The following HRNR variants were observed in gnomAD, a reference collection of about 807,000 sequenced individuals.
HRNR encodes hornerin.
HRNR carries 7 observed loss-of-function variants against 4.8 expected under a neutral mutation model. The observed-to-expected ratio is 1.47, with a 90% CI of 0.83 to 2.75. The LOEUF (loss-of-function observed/expected upper bound fraction) is 2.75. Ranked by LOEUF, HRNR falls within the 30% of genes most tolerant of loss-of-function variation. The pLI is 0.00. For synonymous variants in HRNR, 1,023 were observed against 1,242.7 expected (o/e 0.82, Z 3.72); for missense variants, 2,879 against 3,010.4 (o/e 0.96, Z 1.02).
chr1:152,221,403 GA>G lies in HRNR; in HGVS notation c.225del (p.Leu76Ter), dbSNP rs1320026014. On this transcript the variant is annotated frameshift_variant, in exon 3 of 3. Coordinates refer to ENST00000368801, the MANE Select transcript of HRNR (RefSeq NM_001009931.3). LOFTEE classifies it low-confidence loss of function (END_TRUNC). ...GCCTGAACCAGCTTGAATATCATCA[GA>G]AGATACTCAGTAAAATCCACTTTCT... ...HNKKVDFTEY[L>X]LMIFKLVQAR... 5 of 1,613,616 alleles carry G rather than the reference GA, an allele frequency of 3.1e-6. No homozygotes were observed. The highest frequency in any genetic ancestry group is 4.2e-6 in the Non-Finnish European group (5 of 1,179,812).
At position 152,218,764 on chromosome 1, in the gene HRNR, G is replaced by T. The variant is rs41266130; in HGVS notation, c.2865C>A (p.Ser955=). The T allele has an allele frequency of 6.2e-7, 1 of 1,613,494 alleles. No homozygotes were observed. The highest frequency in any genetic ancestry group is 1.1e-5 in the South Asian group (1 of 91,016). Reference sequence around the variant, plus strand: ...ACCTAGAGCCGTGTTGTTCGTAGCTGGAGGAGTGACCTGAGCCAGATCCAT... The same window carrying T: ...ACCTAGAGCCGTGTTGTTCGTAGCTTGAGGAGTGACCTGAGCCAGATCCAT... ...TQHGSGSGHS[S]SYEQHGSRSG... is the part of the protein sequence containing the mutation. Residue 955 remains serine, a synonymous_variant, in exon 3 of 3, where the codon TCC becomes TCA. Coordinates refer to ENST00000368801, the MANE Select transcript of HRNR (RefSeq NM_001009931.3).
Position 152,213,021 on chromosome 1 carries a change from T to C in HRNR, c.*55A>G, listed in dbSNP as rs1648443212. On this transcript the variant is annotated 3_prime_UTR_variant, in exon 3 of 3. Transcript: ENST00000368801. ...TTGTCTTTCATGATGAATTCATAGA[T>C]GACTTTCCTATTTCTTAAATTGCTA... The C allele has an allele frequency of 1.3e-6, 2 of 1,561,800 alleles. No individual in the cohort carries two copies. The highest frequency in any genetic ancestry group is 8.7e-7 in the Non-Finnish European group (1 of 1,155,544).
chr1:152,219,213 G>A lies in HRNR; in HGVS notation c.2416C>T (p.His806Tyr), dbSNP rs1284854242. 2 of 1,613,866 alleles carry A rather than the reference G, an allele frequency of 1.2e-6. No individual in the cohort carries two copies. The highest frequency in any genetic ancestry group is 1.7e-6 in the Non-Finnish European group (2 of 1,179,922). ...SGTSCSSSCG[H>Y]YESGSGQASG... ...GCCTGGCCTGAGCCAGACTCATAAT[G>A]GCCACAGCTGGAAGAACAACTTGTG... The change falls in exon 3 of 3, where the codon CAT becomes TAT. Residue 806 changes from histidine (H) to tyrosine (Y), a missense_variant. This residue lies in a region of HRNR where 2,646 missense variants were observed against 1,377.7 expected (regional missense o/e 1.92). Coordinates refer to ENST00000368801, the MANE Select transcript of HRNR (RefSeq NM_001009931.3).
In HRNR at chr1:152,220,305, G is replaced by T. The variant is rs751053432; in HGVS notation, c.1324C>A (p.His442Asn). 1.6e-5 allele frequency: 26 copies of T among 1,613,958 alleles called. No individual in the cohort carries two copies. The highest frequency in any genetic ancestry group is 2.7e-5 in the African/African-American group (2 of 74,898). Residue 442 changes from histidine (H) to asparagine (N), a missense_variant, in exon 3 of 3, where the codon CAT becomes AAT. By Grantham distance (68) the His-to-Asn change is moderately conservative. Around this residue, in one of 8 missense-constraint regions of HRNR, gnomAD observed 2,646 missense variants for 1,377.7 expected, o/e 1.92. Transcript: ENST00000368801. ...GAAGATCGACCAAAGCCAGTCCCATGTTGGCCGGAGCTGGGAGACTGCCCT... is the reference window on the plus strand; with the variant it reads ...GAAGATCGACCAAAGCCAGTCCCATTTTGGCCGGAGCTGGGAGACTGCCCT... Reference protein sequence around the residue: ...GSGQSPSSGQHGTGFGRSSSS... With the variant: ...GSGQSPSSGQNGTGFGRSSSS...
intron 1 of HRNR, among the ~76,000 whole-genome samples, chr1:152,223,612 G>A (rs1649072591): frequency 6.6e-6 from 1 of 152,192 alleles, no homozygotes; most frequent in Non-Finnish European, 1.5e-5. Flanking sequence ...CACTTCATCT[G>A]CTTCCTCTTT....
chr1:152,218,386 A>G lies in HRNR; in HGVS notation c.3243T>C (p.Ser1081=), dbSNP rs371009689. ...CACAGCTCGATGACTGTCCTGATGT[A>G]GAACCGTGTTGCCCATGGGTAGAGG... ...GHSSTHGQHG[S]TSGQSSSCGQ... Residue 1081 remains serine (S), a synonymous_variant, in exon 3 of 3, where the codon TCT becomes TCC. Coordinates refer to ENST00000368801, the MANE Select transcript of HRNR (RefSeq NM_001009931.3). 4.3e-6 allele frequency: 7 copies of G among 1,612,734 alleles called. No individual in the cohort carries two copies. In the Admixed American group the frequency reaches 5.0e-5, roughly 12 times the overall value.
Position 152,218,654 on chromosome 1 carries a change from T to A in HRNR, c.2975A>T (p.Gln992Leu). The part of the protein sequence containing the change: ...SYGQHGSGSR[Q>L]SLGHGQHGSG... ...CCCATGTTGGCCGTGGCCCAAAGAC[T>A]GACGGGAGCCAGACCCATGCTGACC... Residue 992 changes from glutamine to leucine, a missense_variant, in exon 3 of 3, where the codon CAG becomes CTG. Coordinates refer to ENST00000368801, the MANE Select transcript of HRNR (RefSeq NM_001009931.3). 6.2e-7 allele frequency: 1 copy of A among 1,612,960 alleles called. No individual in the cohort carries two copies. Among genetic ancestry groups the A allele is most frequent in the Non-Finnish European group, 8.5e-7 (1 of 1,179,770 alleles).
At position 152,212,524 on chromosome 1, in the gene HRNR, A is replaced by G. The variant is rs1316637786; in HGVS notation, c.*552T>C. 1 of 156,092 alleles carries G rather than the reference A, an allele frequency of 6.4e-6. No individual in the cohort carries two copies. Among genetic ancestry groups the G allele is most frequent in the African/African-American group, 2.4e-5 (1 of 41,456 alleles). The allele number at this position is 156,092 out of a possible 1,614,324, so 9.7% of individuals were successfully genotyped here. On this transcript the variant is annotated 3_prime_UTR_variant, in exon 3 of 3. Transcript: ENST00000368801. ...ATATATACCCAAGAAAAAGGACTTG[A>G]TGGTTTTGATAAGTAAAGACACTAC...
rs376727927 is a variant in HRNR at position 152,218,683 on chromosome 1, G to A, written c.2946C>T (p.Ser982=). The A allele has an allele frequency of 2.0e-5, 32 of 1,613,978 alleles. No individual in the cohort carries two copies. The highest frequency in any genetic ancestry group is 2.7e-5 in the African/African-American group (2 of 74,958). The change falls in exon 3 of 3, where the codon AGC becomes AGT. Residue 982 remains serine (S), a synonymous_variant. Transcript: ENST00000368801. ...QHGSSSGSSS[S]YGQHGSGSRQ... ...GGGAGCCAGACCCATGCTGACCATA[G>A]CTGGAAGACGAACCTGAGCTAGATC...
In HRNR at chr1:152,219,692, G is replaced by T. The variant is rs368786159; in HGVS notation, c.1937C>A (p.Ser646Tyr). Residue 646 changes from serine (S) to tyrosine (Y), a missense_variant, in exon 3 of 3, where the codon TCT (serine) becomes TAT (tyrosine). By Grantham distance (144) the Ser-to-Tyr change is moderately radical. This residue lies in a region of HRNR where 2,646 missense variants were observed against 1,377.7 expected (regional missense o/e 1.92). Coordinates refer to ENST00000368801, the MANE Select transcript of HRNR (RefSeq NM_001009931.3). The part of the protein sequence containing the change: ...HGQHGSGSSQ[S>Y]SRYGQQGSGS... Reference sequence around the variant, plus strand: ...AGAGCCCTGTTGGCCATAGCGAGAAGACTGACTTGAGCCAGAGCCATGCTG... The same window carrying T: ...AGAGCCCTGTTGGCCATAGCGAGAATACTGACTTGAGCCAGAGCCATGCTG... 1 of 1,613,494 alleles carries T rather than the reference G, an allele frequency of 6.2e-7. No individual in the cohort carries two copies. Among genetic ancestry groups the T allele is most frequent in the South Asian group, 1.1e-5 (1 of 91,068 alleles).
Position 152,213,083 on chromosome 1 carries a change from T to C in HRNR, c.8546A>G (p.Tyr2849Cys), listed in dbSNP as rs759387920. 1.9e-6 allele frequency: 3 copies of C among 1,611,176 alleles called. No individual in the cohort carries two copies. The highest frequency in any genetic ancestry group is 1.7e-6 in the Non-Finnish European group (2 of 1,178,604). Residue 2849 changes from tyrosine (Y) to cysteine (C), a missense_variant, in exon 3 of 3, where the codon TAT (tyrosine) becomes TGT (cysteine). By Grantham distance (194) the Tyr-to-Cys change is radical. This residue lies in a region of HRNR where 158 missense variants were observed against 107.6 expected (regional missense o/e 1.47). Transcript: ENST00000368801. ...TGCATTTATGTTTATTATTCACTGATAAAAGTAGCACCTCTGCTCTTGGAC... is the reference window on the plus strand; with the variant it reads ...TGCATTTATGTTTATTATTCACTGACAAAAGTAGCACCTCTGCTCTTGGAC... Reference protein sequence around the residue: ...EYVQEQRCYFYQ With the variant: ...EYVQEQRCYFCQ
Position 152,223,103 on chromosome 1 carries a change from G to T in HRNR, c.138+13C>A. ...AATTCCTGCATAACTCCATCCTGGC[G>T]TGGAGTTCTTACCTTCAGAATTTGA... On this transcript the variant is annotated intron_variant, in intron 2 of 2. Coordinates refer to ENST00000368801, the MANE Select transcript of HRNR (RefSeq NM_001009931.3). 1.2e-6 allele frequency: 2 copies of T among 1,611,488 alleles called. No individual in the cohort carries two copies. Among genetic ancestry groups the T allele is most frequent in the Non-Finnish European group, 8.5e-7 (1 of 1,178,514 alleles).
chr1:152,221,533 A>G (rs770813258), intron 2 of HRNR, 43 bp from the exon 3 acceptor site: 9 of 1,400,440 alleles, frequency 6.4e-6, no homozygotes, highest in African/African-American at 1.4e-5. Flanking sequence ...GTTAGTATGG[A>G]CAATACATCT....
chr1:152,222,581 G>T (rs1303011976), intron 2 of HRNR, among the ~76,000 whole-genome samples: 1 of 152,142 alleles, frequency 6.6e-6, no homozygotes, highest in African/African-American at 2.4e-5. Context: ...GCAAAAAGAT[G>T]AAGGAAAAAG....
chr1:152,219,960 T>C lies in HRNR; in HGVS notation c.1669A>G (p.Ser557Gly), dbSNP rs200515636. The C allele has an allele frequency of 9.9e-6, 16 of 1,613,256 alleles. No homozygotes were observed. The African/African-American group carries it at 1.3e-4, about 14-fold the overall frequency. Residue 557 changes from serine (S) to glycine (G), a missense_variant, in exon 3 of 3, where the codon AGC (serine) becomes GGC (glycine). By Grantham distance (56) the Ser-to-Gly change is moderately conservative. Around this residue, in one of 8 missense-constraint regions of HRNR, gnomAD observed 2,646 missense variants for 1,377.7 expected, o/e 1.92. Transcript: ENST00000368801. Reference sequence around the variant, plus strand: ...GAGCCATACCCATGTGGGCCATAGCTGGAAGACTGCCTGGAACCAGACTCA... The same window carrying C: ...GAGCCATACCCATGTGGGCCATAGCCGGAAGACTGCCTGGAACCAGACTCA... ...RHESGSRQSS[S>G]YGPHGYGSGR...
At position 152,219,371 on chromosome 1, in the gene HRNR, C is replaced by G. The variant is rs1421720502; in HGVS notation, c.2258G>C (p.Gly753Ala). 2 of 1,614,024 alleles carry G rather than the reference C, an allele frequency of 1.2e-6. No individual in the cohort carries two copies. Among genetic ancestry groups the G allele is most frequent in the Admixed American group, 1.7e-5 (1 of 60,016 alleles). The change falls in exon 3 of 3, where the codon GGT (glycine) becomes GCT (alanine). Residue 753 changes from glycine (G) to alanine (A), a missense_variant. Coordinates refer to ENST00000368801, the MANE Select transcript of HRNR (RefSeq NM_001009931.3). ...TTGATGGGAGCCCGACCCATGCTGACCATAGCTGGAAGACAAACCTGAGCT... is the reference window on the plus strand; with the variant it reads ...TTGATGGGAGCCCGACCCATGCTGAGCATAGCTGGAAGACAAACCTGAGCT... ...GSSSGLSSSYGQHGSGSHQSS... is the reference protein window; with the variant it reads ...GSSSGLSSSYAQHGSGSHQSS...
In HRNR at chr1:152,223,208, A is replaced by G; in HGVS notation, c.46T>C (p.Tyr16His). 6.2e-7 allele frequency: 1 copy of G among 1,613,728 alleles called. No homozygotes were observed. The highest frequency in any genetic ancestry group is 8.5e-7 in the Non-Finnish European group (1 of 1,179,764). ...TCCCCATGCTGGGTGGCATATTGGT[A>G]GAAAACATCGATGACAGTGATGACG... ...QGVITVIDVF[Y>H]QYATQHGEYD... The change falls in exon 2 of 3, where the codon TAC becomes CAC. Residue 16 changes from tyrosine to histidine, a missense_variant. Around this residue, in one of 8 missense-constraint regions of HRNR, gnomAD observed 2,646 missense variants for 1,377.7 expected, o/e 1.92. Coordinates refer to ENST00000368801, the MANE Select transcript of HRNR (RefSeq NM_001009931.3).
Position 152,218,443 on chromosome 1 carries a change from G to A in HRNR, c.3186C>T (p.Gly1062=), listed in dbSNP as rs535106109. Residue 1062 remains glycine (G), a synonymous_variant, in exon 3 of 3, where the codon GGC becomes GGT. Coordinates refer to ENST00000368801, the MANE Select transcript of HRNR (RefSeq NM_001009931.3). Reference sequence around the variant, plus strand: ...CTGAGCTAGATCCATGTTGACCGTAGCCAGAGGACTGTCCTGAGCGAGACT... The same window carrying A: ...CTGAGCTAGATCCATGTTGACCGTAACCAGAGGACTGTCCTGAGCGAGACT... ...HRESRSGQSS[G]YGQHGSSSGH... 3.1e-6 allele frequency: 5 copies of A among 1,613,520 alleles called. No homozygotes were observed. The highest frequency in any genetic ancestry group is 2.2e-5 in the East Asian group (1 of 44,798).
Position 152,220,160 on chromosome 1 carries a change from C to T in HRNR, c.1469G>A (p.Gly490Asp). ...TGACCTAGAGCCGTGTTGTCCGTGGCCGGAGGAGTGACCTGAGCCAGATCC... is the reference window on the plus strand; with the variant it reads ...TGACCTAGAGCCGTGTTGTCCGTGGTCGGAGGAGTGACCTGAGCCAGATCC... ...QHGSGSGHSSGHGQHGSRSGQ... is the reference protein window; with the variant it reads ...QHGSGSGHSSDHGQHGSRSGQ... Residue 490 changes from glycine to aspartate, a missense_variant, in exon 3 of 3, where the codon GGC becomes GAC. Gly to Asp is a moderately conservative substitution (Grantham distance 94). This residue lies in a region of HRNR where 2,646 missense variants were observed against 1,377.7 expected (regional missense o/e 1.92). Coordinates refer to ENST00000368801, the MANE Select transcript of HRNR (RefSeq NM_001009931.3). 3.1e-6 allele frequency: 5 copies of T among 1,613,242 alleles called. No homozygotes were observed. Among genetic ancestry groups the T allele is most frequent in the African/African-American group, 1.3e-5 (1 of 74,954 alleles).
Sources: allele counts gnomAD v4.1 joint callset (sites outside exome capture counted in the v4.1 genomes callset), GRCh38; gene constraint gnomAD v4.1.1; regional missense constraint gnomAD v4.1.1; transcripts MANE v1.5; gene names NCBI Gene and HGNC (gene_info 2026-07-23, HGNC 2026-07-21).